Variants in ARHGAP15 observed in about 807,000 individuals in gnomAD.
The protein encoded by ARHGAP15 is Rho GTPase activating protein 15, also known as rho GTPase-activating protein 15.
A neutral mutation model predicts 63.7 loss-of-function variants in ARHGAP15; 51 were observed. That is an observed-to-expected ratio of 0.80 (90% CI 0.64 to 1.01). ARHGAP15 has a LOEUF of 1.01. ARHGAP15 is among the 50% of genes least tolerant of loss of function. The pLI, the probability that ARHGAP15 is intolerant of heterozygous loss-of-function variation, is 0.00. For synonymous variants in ARHGAP15, 191 were observed against 193.8 expected, an observed-to-expected ratio of 0.99 and a Z score of 0.12; for missense variants, 560 against 564.6, an observed-to-expected ratio of 0.99 and a Z score of 0.08.
chr2:143,257,963 T>C (rs538682973), intron 6 of ARHGAP15, among the ~76,000 whole-genome samples: 240 of 152,270 alleles, frequency 1.6e-3, no homozygotes, highest in African/African-American at 5.6e-3. Flanking sequence ...TTCAATATCT[T>C]TTATTTTTAA....
At chr2:143,633,864 C>G (rs1293728930) in intron 12 of ARHGAP15, among the ~76,000 whole-genome samples, 1 of 152,124 alleles carries the variant, frequency 6.6e-6, no homozygotes, top group East Asian at 1.9e-4. Context: ...CTTTGCTTGA[C>G]ACCACATTGT....
intron 5 of ARHGAP15, among the ~76,000 whole-genome samples, chr2:143,229,452 A>G (rs781704460): frequency 2.6e-5 from 4 of 152,182 alleles, no homozygotes; most frequent in African/African-American, 9.7e-5. Flanking sequence ...GACAGTGATA[A>G]TAAGTAAGAG....
intron 10 of ARHGAP15, among the ~76,000 whole-genome samples, chr2:143,544,820 A>G (rs1450749140): frequency 6.6e-6 from 1 of 152,196 alleles, no homozygotes; most frequent in Non-Finnish European, 1.5e-5. Flanking sequence ...CCAAGCAGGA[A>G]GGAACATGAC....
chr2:143,325,665 A>G (rs1402421505), intron 6 of ARHGAP15, among the ~76,000 whole-genome samples: 1 of 152,170 alleles, frequency 6.6e-6, no homozygotes, highest in Admixed American at 6.5e-5. Flanking sequence ...TTAATTACTT[A>G]GAGACATTAA....
At chr2:143,737,487 C>T (rs1685790129) in intron 13 of ARHGAP15, among the ~76,000 whole-genome samples, 1 of 152,132 alleles carries the variant, frequency 6.6e-6, no homozygotes, top group Non-Finnish European at 1.5e-5. Context: ...CTGGGCACTG[C>T]CCTTTGTACA....
chr2:143,672,607 C>T (rs1682582588), intron 12 of ARHGAP15, among the ~76,000 whole-genome samples: 1 of 152,118 alleles, frequency 6.6e-6, no homozygotes, highest in Non-Finnish European at 1.5e-5. Flanking sequence ...AACTCAGGTC[C>T]ACTGATACAT....
intron 13 of ARHGAP15, among the ~76,000 whole-genome samples, chr2:143,749,260 G>C (rs1469070698): frequency 6.6e-6 from 1 of 152,080 alleles, no homozygotes; most frequent in African/African-American, 2.4e-5. Context: ...CTAACACCCG[G>C]CTCCGAGAAT....
chr2:143,224,589 C>G (rs567501936), intron 4 of ARHGAP15, among the ~76,000 whole-genome samples: 1 of 152,264 alleles, frequency 6.6e-6, no homozygotes, highest in South Asian at 2.1e-4. Flanking sequence ...CTGGACACAC[C>G]TATCCTGGCT....
At chr2:143,353,279 G>T (rs572297108) in intron 6 of ARHGAP15, among the ~76,000 whole-genome samples, 139 of 152,226 alleles carry the variant, frequency 9.1e-4, no homozygotes, top group African/African-American at 3.1e-3. Flanking sequence ...AACAATGTGA[G>T]ATCCTGTCTC....
At chr2:143,443,255 C>T (rs1689974712) in intron 8 of ARHGAP15, among the ~76,000 whole-genome samples, 1 of 151,940 alleles carries the variant, frequency 6.6e-6, no homozygotes, top group South Asian at 2.1e-4. Flanking sequence ...AAACCATCTG[C>T]CAAGGAAATG....
At chr2:143,471,005 G>C (rs969274240) in intron 8 of ARHGAP15, among the ~76,000 whole-genome samples, 1 of 96,056 alleles carries the variant, frequency 1.0e-5, no homozygotes, top group Non-Finnish European at 2.7e-5. Context: ...TGTGTGTATA[G>C]ATAAAGAAGA....
At chr2:143,482,381 T>C (rs1692121180) in intron 8 of ARHGAP15, among the ~76,000 whole-genome samples, 2 of 152,222 alleles carry the variant, frequency 1.3e-5, no homozygotes, top group South Asian at 4.1e-4. Context: ...TCATAAATGA[T>C]GGATTATTGT....
chr2:143,203,022 A>G (rs1355443414), intron 3 of ARHGAP15, among the ~76,000 whole-genome samples: 1 of 152,014 alleles, frequency 6.6e-6, no homozygotes, highest in African/African-American at 2.4e-5. Flanking sequence ...CTTTTCCTCT[A>G]TGCTCATTCA....
intron 11 of ARHGAP15, among the ~76,000 whole-genome samples, chr2:143,623,853 G>A (rs1489276082): frequency 1.3e-5 from 2 of 152,220 alleles, no homozygotes; most frequent in African/African-American, 4.8e-5. Flanking sequence ...TCATACTGAT[G>A]CATTATGGGA....
At chr2:143,579,962 T>C (rs1237375853) in intron 11 of ARHGAP15, among the ~76,000 whole-genome samples, 1 of 145,244 alleles carries the variant, frequency 6.9e-6, no homozygotes, top group African/African-American at 2.5e-5. Context: ...CAGCTCTCAG[T>C]GTTCTTTCTT....
At chr2:143,468,445 G>C (rs759405971) in intron 8 of ARHGAP15, among the ~76,000 whole-genome samples, 16 of 152,028 alleles carry the variant, frequency 1.1e-4, no homozygotes, top group Admixed American at 3.3e-4. Context: ...TTCAGAACTG[G>C]TTCCAGGGTT....
intron 11 of ARHGAP15, among the ~76,000 whole-genome samples, chr2:143,613,495 T>C (rs1698338736): frequency 6.6e-6 from 1 of 152,182 alleles, no homozygotes; most frequent in Non-Finnish European, 1.5e-5. Context: ...ATCCGTAAAG[T>C]AGTTTATGAT....
At chr2:143,594,968 C>A (rs982907462) in intron 11 of ARHGAP15, among the ~76,000 whole-genome samples, 1 of 152,116 alleles carries the variant, frequency 6.6e-6, no homozygotes, top group Non-Finnish European at 1.5e-5. Flanking sequence ...TAGGAAAAGA[C>A]ACAACCGTAC....
chr2:143,254,372 C>T (rs1205929405), intron 6 of ARHGAP15, among the ~76,000 whole-genome samples: 3 of 150,562 alleles, frequency 2.0e-5, no homozygotes, highest in Non-Finnish European at 3.0e-5. Context: ...ATAAGAAGTT[C>T]AACTGAGAAA....
Sources: gnomAD v4.1 joint callset for allele counts (sites outside exome capture counted in the v4.1 genomes callset) on GRCh38, gnomAD v4.1.1 for gene constraint, MANE v1.5 for transcripts, NCBI Gene and HGNC (gene_info 2026-07-23, HGNC 2026-07-21) for gene names.